The following PCDHGB2 variants were observed in gnomAD, a reference collection of about 807,000 sequenced individuals.
PCDHGB2 encodes protocadherin gamma-B2.
In PCDHGB2, 55 loss-of-function variants were observed where a neutral mutation model predicts 59.3. That is an observed-to-expected ratio of 0.93 (90% CI 0.75 to 1.16). PCDHGB2 has a LOEUF of 1.16. PCDHGB2 is among the 50% of genes most tolerant of loss of function. The pLI, the probability that PCDHGB2 is intolerant of heterozygous loss-of-function variation, is 0.00. For missense variants in PCDHGB2, 1,228 were observed against 1,198.5 expected, an observed-to-expected ratio of 1.02 and a Z score of -0.36; for synonymous variants, 516 against 512.0, an observed-to-expected ratio of 1.01 and a Z score of -0.11.
At position 141,360,927 on chromosome 5, in the gene PCDHGB2, G is replaced by T. The variant is rs1455731700; in HGVS notation, c.792G>T (p.Val264=). The T allele has an allele frequency of 6.2e-7, 1 of 1,613,866 alleles. No homozygotes were observed. Among genetic ancestry groups the T allele is most frequent in the African/African-American group, 1.3e-5 (1 of 74,916 alleles). Residue 264 remains valine (V), a synonymous_variant, in exon 1 of 4, where the codon GTG becomes GTT. Coordinates refer to ENST00000522605, the MANE Select transcript of PCDHGB2 (RefSeq NM_018923.3). ...CGCCGGGCTTCTTTGTGCTTCAAGT[G>T]ACAGCCACCGACCGGGATGAAGGCA... ...DVPPGFFVLQ[V]TATDRDEGIN... is the part of the protein sequence containing the mutation.
chr5:141,481,724 C>T (rs1301509633), intron 1 of PCDHGB2, among the ~76,000 whole-genome samples: 2 of 151,882 alleles, frequency 1.3e-5, no homozygotes. Context: ...GAGGCGGAGG[C>T]GGGCGGATCA....
intron 1 of PCDHGB2, chr5:141,423,117 G>A (rs1429958385): frequency 6.2e-7 from 1 of 1,613,698 alleles, no homozygotes; most frequent in Non-Finnish European, 8.5e-7. Flanking sequence ...TGCGTACAGC[G>A]CGGGCACTGC....
chr5:141,503,910 G>A (rs1311674998), intron 2 of PCDHGB2, among the ~76,000 whole-genome samples: 1 of 152,062 alleles, frequency 6.6e-6, no homozygotes, highest in Admixed American at 6.6e-5. Flanking sequence ...CACACACAAC[G>A]CAACACACAC....
intron 1 of PCDHGB2, chr5:141,409,633 TG>T: frequency 6.2e-7 from 1 of 1,613,852 alleles, no homozygotes; most frequent in Non-Finnish European, 8.5e-7. Context: ...TGAGCGCCTC[TG>T]ACCCGGATTT....
chr5:141,446,043 A>T (rs1374577548), intron 1 of PCDHGB2, among the ~76,000 whole-genome samples: 2 of 152,226 alleles, frequency 1.3e-5, no homozygotes, highest in Non-Finnish European at 2.9e-5. Flanking sequence ...AAATGGAAGA[A>T]GAGCTGGCTT....
intron 1 of PCDHGB2, chr5:141,471,339 C>G (rs537413312): frequency 2.6e-5 from 4 of 152,366 alleles, no homozygotes; most frequent in Admixed American, 2.6e-4. Context: ...GTATGATCCA[C>G]TGCGCCCGGC....
intron 1 of PCDHGB2, chr5:141,479,247 C>A (rs1428944159): frequency 6.6e-6 from 1 of 152,084 alleles, no homozygotes; most frequent in Non-Finnish European, 1.5e-5. Flanking sequence ...CAAAGATAAC[C>A]ATTTTTAATT....
At chr5:141,363,029 C>T (rs139317097) in intron 1 of PCDHGB2, among the ~76,000 whole-genome samples, 7 of 152,336 alleles carry the variant, frequency 4.6e-5, no homozygotes, top group African/African-American at 1.7e-4. Context: ...GACATTGTCC[C>T]ATTGACTTGA....
At chr5:141,440,912 G>A (rs1281398967) in intron 1 of PCDHGB2, 1 of 152,254 alleles carries the variant, frequency 6.6e-6, no homozygotes, top group African/African-American at 2.4e-5. Context: ...GGGCACTCCT[G>A]TGCTGAGAGT....
intron 1 of PCDHGB2, chr5:141,421,033 C>T (rs915028623): frequency 2.4e-5 from 13 of 533,788 alleles, no homozygotes; most frequent in Non-Finnish European, 6.5e-6. Context: ...CCATTGAGTC[C>T]CTCCCTCCCC....
chr5:141,413,682 C>G, intron 1 of PCDHGB2: 1 of 1,613,798 alleles, frequency 6.2e-7, no homozygotes, highest in South Asian at 1.1e-5. Context: ...TGGGCGTGAA[C>G]TCCCTGCAGA....
intron 1 of PCDHGB2, chr5:141,391,383 G>T (rs1344096934): frequency 3.3e-5 from 5 of 150,356 alleles, no homozygotes; most frequent in African/African-American, 9.8e-5. Context: ...CACAATGATA[G>T]CTCCCTCCAG....
At chr5:141,449,667 G>A (rs540415333) in intron 1 of PCDHGB2, among the ~76,000 whole-genome samples, 1 of 150,824 alleles carries the variant, frequency 6.6e-6, no homozygotes, top group South Asian at 2.1e-4. Context: ...ACACCCAAGT[G>A]TGTATGTATA....
At chr5:141,364,201 G>C (rs1199932362) in intron 1 of PCDHGB2, 1 of 1,146,160 alleles carries the variant, frequency 8.7e-7, no homozygotes, top group Admixed American at 3.2e-5. Context: ...ACACAGACCA[G>C]ACAAGCTCCT....
intron 1 of PCDHGB2, chr5:141,422,893 C>A (rs1405800318): frequency 4.3e-6 from 7 of 1,614,246 alleles, no homozygotes; most frequent in Non-Finnish European, 5.9e-6. Context: ...CGTGCTGGAC[C>A]AGAACGACAA....
intron 1 of PCDHGB2, chr5:141,441,780 C>A: frequency 2.6e-6 from 1 of 391,236 alleles, no homozygotes. Flanking sequence ...GGTGGACGAC[C>A]TGAATGACAA....
At chr5:141,372,316 G>A (rs1188130035) in intron 1 of PCDHGB2, 6 of 1,613,520 alleles carry the variant, frequency 3.7e-6, no homozygotes, top group Non-Finnish European at 5.1e-6. Flanking sequence ...GCCCGCCAGC[G>A]CCTGCTGGTC....
chr5:141,427,646 C>A, intron 1 of PCDHGB2: 1 of 715,440 alleles, frequency 1.4e-6, no homozygotes, highest in East Asian at 2.7e-5. Context: ...ACCAAGTCTC[C>A]TACGTGGTCC....
intron 1 of PCDHGB2, among the ~76,000 whole-genome samples, chr5:141,457,632 G>A (rs919693977): frequency 6.6e-6 from 1 of 152,142 alleles, no homozygotes; most frequent in African/African-American, 2.4e-5. Flanking sequence ...CTTATACTTG[G>A]CCTGATTATT....
Sources: allele counts gnomAD v4.1 joint callset (sites outside exome capture counted in the v4.1 genomes callset), GRCh38; gene constraint gnomAD v4.1.1; transcripts MANE v1.5; gene names NCBI Gene and HGNC (gene_info 2026-07-23, HGNC 2026-07-21).